The following LNPEP variants were observed in gnomAD, a reference collection of about 807,000 sequenced individuals.
The protein encoded by LNPEP is leucyl and cystinyl aminopeptidase.
In LNPEP, 64 loss-of-function variants were observed where a neutral mutation model predicts 120.6. That is an observed-to-expected ratio of 0.53 (90% confidence interval 0.43 to 0.65). LNPEP has a LOEUF of 0.65. Among genes scored for constraint, LNPEP ranks in the 30% least tolerant of loss-of-function variants. The pLI is 0.00. For synonymous variants in LNPEP, 435 were observed against 425.4 expected, an observed-to-expected ratio of 1.02 and a Z score of -0.28; for missense variants, 1,057 against 1,200.0, an observed-to-expected ratio of 0.88 and a Z score of 1.76.
At chr5:96,993,682 T>A in intron 5 of LNPEP, 135 bp from the exon 6 acceptor site, 1 of 848,470 alleles carries the variant, frequency 1.2e-6, no homozygotes, top group African/African-American at 1.7e-5. Flanking sequence ...AGAGCTAGAA[T>A]AAGGAAGATT....
At chr5:97,006,313 T>C (rs1251931923) in intron 10 of LNPEP, 80 bp downstream of exon 10, 21 of 1,360,434 alleles carry the variant, frequency 1.5e-5, no homozygotes, top group Non-Finnish European at 2.1e-6. Context: ...TAATCATAAG[T>C]TCTTGTGAAA....
chr5:96,991,464 A>G lies in LNPEP; in HGVS notation c.1132-1551A>G, dbSNP rs146065199. ...CCTTTTTCACCACATCTACGCTAAC[A>G]TCTATTATTTTCTGATTTTTTTTGG... On this transcript the variant is annotated intron_variant, in intron 4 of 17. Coordinates refer to ENST00000231368, the MANE Select transcript of LNPEP (RefSeq NM_005575.3). 3.1e-3 allele frequency among the ~76,000 whole-genome samples: 471 copies of G among 152,170 alleles called. 6 individuals are homozygous for G. Among genetic ancestry groups the G allele is most frequent in the Admixed American group, 0.022 (334 of 15,284 alleles).
At chr5:97,000,560 C>G (rs1038231044) in intron 8 of LNPEP, among the ~76,000 whole-genome samples, 3 of 152,156 alleles carry the variant, frequency 2.0e-5, no homozygotes, top group Non-Finnish European at 4.4e-5. Flanking sequence ...ACCTTCGTGA[C>G]TAGCCCACAG....
At chr5:96,952,883 G>A (rs1205086793) in intron 1 of LNPEP, among the ~76,000 whole-genome samples, 1 of 152,018 alleles carries the variant, frequency 6.6e-6, no homozygotes, top group Non-Finnish European at 1.5e-5. Flanking sequence ...GGCCTACTTG[G>A]CTAAGTTCAT....
At chr5:97,022,544 A>C in intron 14 of LNPEP, 60 bp downstream of exon 14, 2 of 1,320,756 alleles carry the variant, frequency 1.5e-6, no homozygotes, top group Non-Finnish European at 2.2e-6. Flanking sequence ...CATCATATAC[A>C]GTATCCAGGG....
chr5:97,027,701 A>AT (rs1215651176), intron 16 of LNPEP, 32 bp from the exon 17 acceptor site: 3 of 1,380,362 alleles, frequency 2.2e-6, no homozygotes, highest in Admixed American at 1.7e-5. Flanking sequence ...CAGCTGCCTA[A>AT]TCTTTTTGCT....
rs965853937 is a variant in LNPEP, at chr5:97,035,439, G to T, written c.*6906G>T. Reference sequence around the variant, plus strand: ...AGAGAGATTTCTATTTTTGGTAGGGGAATATTCTTAATATGTTTTCATATC... The same window carrying T: ...AGAGAGATTTCTATTTTTGGTAGGGTAATATTCTTAATATGTTTTCATATC... On this transcript the variant is annotated 3_prime_UTR_variant, in exon 18 of 18. Transcript: ENST00000231368. 4 of 152,046 alleles carry T rather than the reference G, an allele frequency of 2.6e-5. No individual in the cohort carries two copies. The highest frequency in any genetic ancestry group is 9.7e-5 in the African/African-American group (4 of 41,414). The allele number at this position is 152,046 out of a possible 1,614,324, so 9.4% of individuals were successfully genotyped here.
chr5:96,944,270 T>A (rs1456795892), intron 1 of LNPEP, among the ~76,000 whole-genome samples: 1 of 152,206 alleles, frequency 6.6e-6, no homozygotes, highest in Admixed American at 6.5e-5. Context: ...TCATTGTCAA[T>A]GAAAAGAGTC....
rs938205222 is a variant in LNPEP, at chr5:97,010,988, C to T, written c.2036-2660C>T. The T allele has an allele frequency of 9.2e-6, 9 of 983,478 alleles. No individual in the cohort carries two copies. In the African/African-American group the frequency reaches 1.2e-4, roughly 13 times the overall value. The allele number at this position is 983,478 out of a possible 1,614,324, so 60.9% of individuals were successfully genotyped here. A position where few individuals can be genotyped will look rare whatever the true frequency, so the allele number is the denominator to read the frequency against. ...TGTACTGCTTTATGTTGTGTCATCT[C>T]GATGACAGTAATAATTTCAAGTATA... On this transcript the variant is annotated intron_variant, in intron 11 of 17. Transcript: ENST00000231368.
chr5:96,992,233 A>C (rs1006849770), intron 4 of LNPEP, among the ~76,000 whole-genome samples: 2 of 152,084 alleles, frequency 1.3e-5, no homozygotes, highest in Admixed American at 1.3e-4. Context: ...CTTAGTATGT[A>C]CCCGGGAGTG....
chr5:96,949,945 C>T (rs1406709070), intron 1 of LNPEP, among the ~76,000 whole-genome samples: 1 of 152,180 alleles, frequency 6.6e-6, no homozygotes, highest in Non-Finnish European at 1.5e-5. Flanking sequence ...CTTTCCTTTT[C>T]CATCCTCCCC....
intron 11 of LNPEP, 72 bp downstream of exon 11, chr5:97,006,587 A>C (rs553203374): frequency 1.2e-6 from 1 of 824,734 alleles, no homozygotes; most frequent in African/African-American, 1.7e-5. Flanking sequence ...CATATATAAG[A>C]TTACACTTTC....
At chr5:96,950,098 A>G (rs1327184242) in intron 1 of LNPEP, among the ~76,000 whole-genome samples, 2 of 152,182 alleles carry the variant, frequency 1.3e-5, no homozygotes, top group Non-Finnish European at 2.9e-5. Flanking sequence ...TTCAAACCCT[A>G]TGCTTTGTAC....
At position 96,964,112 on chromosome 5, in the gene LNPEP, C is replaced by CTT. The variant is rs576740543; in HGVS notation, c.20-15013_20-15012dup. ...TCTGCTCTTCTATGATTGATATCAA[C>CTT]TTTTTTTTTTTTTTAAGATTCTACA... is the stretch of plus-strand genomic sequence containing the variant. On this transcript the variant is annotated intron_variant, in intron 1 of 17. Transcript: ENST00000231368. 2.3e-3 allele frequency among the ~76,000 whole-genome samples: 326 copies of CTT among 143,872 alleles called. 2 individuals carry two copies. Among genetic ancestry groups the CTT allele is most frequent in the African/African-American group, 8.0e-3 (315 of 39,342 alleles). The allele number at this position is 143,872 out of a possible 152,430, so 94.4% of individuals were successfully genotyped here. A position where few individuals can be genotyped will look rare whatever the true frequency, so the allele number is the denominator to read the frequency against.
In LNPEP at chr5:97,026,742, A is replaced by G. The variant is rs1330194044; in HGVS notation, c.2849A>G (p.Asn950Ser). 10 of 1,613,456 alleles carry G rather than the reference A, an allele frequency of 6.2e-6. No individual in the cohort carries two copies. Among genetic ancestry groups the G allele is most frequent in the Middle Eastern group, 1.6e-4 (1 of 6,080 alleles). Residue 950 changes from asparagine (N) to serine (S), a missense_variant, in exon 16 of 18, where the codon AAT becomes AGT. Transcript: ENST00000231368. ...LAWDFVKENW[N>S]KLVQKFPLGS... ...TGGGATTTTGTCAAAGAGAACTGGA[A>G]TAAGCTTGTACAGAAGTAAGTTTCT...
intron 1 of LNPEP, among the ~76,000 whole-genome samples, chr5:96,960,810 A>G (rs796324691): frequency 0.022 from 175 of 8,066 alleles, no homozygotes; most frequent in African/African-American, 0.076. Context: ...CTATAGTGAA[A>G]AAAAGAGAGT....
Position 97,036,064 on chromosome 5 carries a change from C to T in LNPEP, c.*7531C>T, listed in dbSNP as rs539088068. 1.2e-4 allele frequency: 18 copies of T among 152,284 alleles called. No homozygotes were observed. Among genetic ancestry groups the T allele is most frequent in the Middle Eastern group, 6.8e-3 (2 of 294 alleles). 9.4% of individuals were successfully genotyped at this position (152,284 alleles called of 1,614,324 possible). A position where few individuals can be genotyped will look rare whatever the true frequency, so the allele number is the denominator to read the frequency against. The stretch of plus-strand genomic sequence containing the variant: ...AAGAGTGCTGTCTAGAACGCATTTG[C>T]AAACCGTTAAGAGTAGCTTCTTTTT... On this transcript the variant is annotated 3_prime_UTR_variant, in exon 18 of 18. Coordinates refer to ENST00000231368, the MANE Select transcript of LNPEP (RefSeq NM_005575.3).
In LNPEP at chr5:97,022,389, C is replaced by G. The variant is rs746946548; in HGVS notation, c.2466C>G (p.Ala822=). 6.2e-7 allele frequency: 1 copy of G among 1,613,866 alleles called. No homozygotes were observed. Among genetic ancestry groups the G allele is most frequent in the Non-Finnish European group, 8.5e-7 (1 of 1,179,826 alleles). Reference sequence around the variant, plus strand: ...CATCTATGCGAGAGCTTCGGTCAGCCCTGCTAGAGTTTGCTTGCACCCACA... The same window carrying G: ...CATCTATGCGAGAGCTTCGGTCAGCGCTGCTAGAGTTTGCTTGCACCCACA... The part of the protein sequence containing the change: ...GTPSMRELRS[A]LLEFACTHNL... The change falls in exon 14 of 18, where the codon GCC becomes GCG. Residue 822 remains alanine (A), a synonymous_variant. Transcript: ENST00000231368.
chr5:96,983,469 A>T (rs1790172399), intron 2 of LNPEP, among the ~76,000 whole-genome samples: 1 of 151,996 alleles, frequency 6.6e-6, no homozygotes, highest in Non-Finnish European at 1.5e-5. Flanking sequence ...CCCTTGAGAC[A>T]GCATCTTGCT....
Sources: allele counts gnomAD v4.1 joint callset (sites outside exome capture counted in the v4.1 genomes callset), GRCh38; gene constraint gnomAD v4.1.1; transcripts MANE v1.5; gene names NCBI Gene and HGNC (gene_info 2026-07-23, HGNC 2026-07-21).